SIM1: variants seen among roughly 807,000 people sequenced by gnomAD.
SIM1 encodes the protein SIM bHLH transcription factor 1.
Under a neutral mutation model 78.2 loss-of-function variants are expected in SIM1, and 18 were observed. That is an observed-to-expected ratio of 0.23 (90% CI 0.16 to 0.34). The LOEUF (loss-of-function observed/expected upper bound fraction) is 0.34, where lower values mean the gene tolerates loss of function less well. SIM1 is among the 10% of genes least tolerant of loss of function. The probability of loss-of-function intolerance (pLI) is 1.00; values close to 1 mark genes in which losing one functional copy is unlikely to be tolerated. For missense variants in SIM1, 939 were observed against 975.1 expected, an observed-to-expected ratio of 0.96 and a Z score of 0.49; for synonymous variants, 417 against 385.2, an observed-to-expected ratio of 1.08 and a Z score of -0.97.
intron 10 of SIM1, among the ~76,000 whole-genome samples, chr6:100,400,143 A>T (rs1477641898): frequency 6.6e-6 from 1 of 152,080 alleles, no homozygotes. Flanking sequence ...TACAAAGGAG[A>T]TATAGAAACA....
chr6:100,446,904 T>C (rs925405836), intron 9 of SIM1, among the ~76,000 whole-genome samples: 2 of 152,230 alleles, frequency 1.3e-5, no homozygotes, highest in African/African-American at 4.8e-5. Context: ...AGATGTCCTG[T>C]TTGTTAACCA....
At chr6:100,413,736 A>C (rs1771324442) in intron 10 of SIM1, among the ~76,000 whole-genome samples, 2 of 152,194 alleles carry the variant, frequency 1.3e-5, no homozygotes, top group South Asian at 4.1e-4. Context: ...GTCTGATTCC[A>C]TGTACCTACT....
intron 9 of SIM1, among the ~76,000 whole-genome samples, chr6:100,438,240 T>A (rs423823): frequency 0.9 from 136,362 of 152,032 alleles, 61,364 homozygotes; most frequent in East Asian, 0.98. Flanking sequence ...TTCAAAATTT[T>A]CAAGGATCTC....
intron 10 of SIM1, among the ~76,000 whole-genome samples, chr6:100,407,375 G>T (rs907392810): frequency 6.6e-6 from 1 of 151,920 alleles, no homozygotes; most frequent in African/African-American, 2.4e-5. Flanking sequence ...GAACATTTAG[G>T]TTGTTTCCAT....
intron 9 of SIM1, among the ~76,000 whole-genome samples, chr6:100,425,491 G>T (rs1771703808): frequency 6.6e-6 from 1 of 152,124 alleles, no homozygotes; most frequent in African/African-American, 2.4e-5. Context: ...AACTCCAACA[G>T]CTCAAAAGAT....
rs1038253122 is a variant in SIM1, at chr6:100,389,583, C to G, written c.*778G>C. The G allele has an allele frequency of 5.0e-6, 2 of 398,798 alleles. No homozygotes were observed. Among genetic ancestry groups the G allele is most frequent in the African/African-American group, 4.1e-5 (2 of 48,638 alleles). The allele number at this position is 398,798 out of a possible 1,614,324, so 24.7% of individuals were successfully genotyped here. On this transcript the variant is annotated 3_prime_UTR_variant, in exon 12 of 12. Transcript: ENST00000369208. ...CTCTGGCCTTTCCATATTCATAGAA[C>G]TACTTCCAATTGAGCACTCCAGGTT... is the stretch of plus-strand genomic sequence containing the variant.
At position 100,390,508 on chromosome 6, in the gene SIM1, C is replaced by T. The variant is rs777606540; in HGVS notation, c.2154G>A (p.Leu718=). 1.2e-6 allele frequency: 2 copies of T among 1,614,130 alleles called. No homozygotes were observed. The highest frequency in any genetic ancestry group is 4.5e-5 in the East Asian group (2 of 44,882). ...TGGTTTCGCTGTCATATAAGTGCTCCAGGGCATATCCAGTTAATGTGTAAG... is the reference window on the plus strand; with the variant it reads ...TGGTTTCGCTGTCATATAAGTGCTCTAGGGCATATCCAGTTAATGTGTAAG... ...KHAYTLTGYA[L]EHLYDSETIR... Residue 718 remains leucine (L), a synonymous_variant, in exon 12 of 12, where the codon CTG becomes CTA. Coordinates refer to ENST00000369208, the MANE Select transcript of SIM1 (RefSeq NM_005068.3).
intron 10 of SIM1, among the ~76,000 whole-genome samples, chr6:100,406,803 G>C (rs1323098449): frequency 6.6e-6 from 1 of 151,864 alleles, no homozygotes; most frequent in African/African-American, 2.4e-5. Context: ...TAACACATTC[G>C]TCACCTCACA....
intron 9 of SIM1, among the ~76,000 whole-genome samples, chr6:100,445,946 G>T (rs1180341676): frequency 2.0e-5 from 3 of 152,030 alleles, no homozygotes; most frequent in Non-Finnish European, 4.4e-5. Context: ...TTTGTTTCAT[G>T]AAACCCAAAA....
At chr6:100,424,810 A>G (rs1771683825) in intron 9 of SIM1, among the ~76,000 whole-genome samples, 1 of 152,178 alleles carries the variant, frequency 6.6e-6, no homozygotes, top group African/African-American at 2.4e-5. Context: ...AACATAGTAA[A>G]TGCTCAATAA....
At chr6:100,422,719 GAATATA>G (rs1771626111) in intron 9 of SIM1, among the ~76,000 whole-genome samples, 1 of 151,972 alleles carries the variant, frequency 6.6e-6, no homozygotes, top group African/African-American at 2.4e-5. Flanking sequence ...ACATAATGAT[GAATATA>G]TGAGGTAATG....
chr6:100,426,958 C>T (rs756147021), intron 9 of SIM1, among the ~76,000 whole-genome samples: 5 of 152,168 alleles, frequency 3.3e-5, no homozygotes, highest in Non-Finnish European at 7.3e-5. Flanking sequence ...CAAAGACATA[C>T]AATTGATTTG....
intron 9 of SIM1, chr6:100,437,466 AC>A (rs1175476984): frequency 1.3e-5 from 2 of 152,096 alleles, no homozygotes; most frequent in African/African-American, 4.8e-5. Flanking sequence ...TTTAAAATAT[AC>A]CCATCATACA....
At chr6:100,462,922 G>A (rs241819) in intron 2 of SIM1, 107,965 of 176,516 alleles carry the variant, frequency 0.61, 34,223 homozygotes, top group African/African-American at 0.8. Context: ...AGAATTAGGC[G>A]GTGCTCCTGG....
chr6:100,390,608 TGAG>T lies in SIM1; in HGVS notation c.2051_2053del (p.Pro684del). Reference sequence around the variant, plus strand: ...AGTAGGGTGGTCTCCTGCTGTCTGATGAGGAGATATATCCGAATGCAGATAGTC... The same window carrying T: ...AGTAGGGTGGTCTCCTGCTGTCTGATGAGATATATCCGAATGCAGATAGTC... On this transcript the variant is annotated inframe_deletion, in exon 12 of 12. Coordinates refer to ENST00000369208, the MANE Select transcript of SIM1 (RefSeq NM_005068.3). 6.2e-7 allele frequency: 1 copy of T among 1,614,180 alleles called. No individual in the cohort carries two copies. Among genetic ancestry groups the T allele is most frequent in the Non-Finnish European group, 8.5e-7 (1 of 1,180,042 alleles).
intron 9 of SIM1, among the ~76,000 whole-genome samples, chr6:100,430,486 A>C (rs753247193): frequency 3.9e-5 from 6 of 152,152 alleles, no homozygotes; most frequent in African/African-American, 1.4e-4. Context: ...ATCAAATATA[A>C]AGAAAAAGTA....
chr6:100,422,166 C>A (rs887648276), intron 9 of SIM1, among the ~76,000 whole-genome samples: 2 of 152,090 alleles, frequency 1.3e-5, no homozygotes, highest in African/African-American at 4.8e-5. Context: ...TTTTTACATG[C>A]ATTTTTAATA....
chr6:100,436,514 C>T (rs570634092), intron 9 of SIM1, among the ~76,000 whole-genome samples: 109 of 152,246 alleles, frequency 7.2e-4, no homozygotes, highest in Admixed American at 1.8e-3. Context: ...ATTTTGTGTT[C>T]ATTGGCAAGA....
intron 2 of SIM1, among the ~76,000 whole-genome samples, chr6:100,459,386 C>T (rs886286102): frequency 6.6e-6 from 1 of 152,134 alleles, no homozygotes; most frequent in Non-Finnish European, 1.5e-5. Context: ...TGGAATTAAA[C>T]ACAGAAAACT....
Sources: allele counts gnomAD v4.1 joint callset (sites outside exome capture counted in the v4.1 genomes callset), GRCh38; gene constraint gnomAD v4.1.1; transcripts MANE v1.5; gene names NCBI Gene and HGNC (gene_info 2026-07-23, HGNC 2026-07-21).